The following TIGD5 variants were observed in gnomAD, a reference collection of about 807,000 sequenced individuals.
TIGD5 encodes the protein tigger transposable element derived 5.
A neutral mutation model predicts 28.8 loss-of-function variants in TIGD5; 24 were observed. That is an observed-to-expected ratio of 0.83 (90% confidence interval 0.60 to 1.17). The LOEUF (loss-of-function observed/expected upper bound fraction) is 1.17, where lower values mean the gene tolerates loss of function less well. Ranked by LOEUF, TIGD5 falls within the 50% of genes most tolerant of loss-of-function variation. The probability of loss-of-function intolerance (pLI) is 0.00; values close to 1 mark genes in which losing one functional copy is unlikely to be tolerated. For synonymous variants in TIGD5, 538 were observed against 430.5 expected, an observed-to-expected ratio of 1.25 and a Z score of -3.09; for missense variants, 922 against 911.4, an observed-to-expected ratio of 1.01 and a Z score of -0.15.
In TIGD5 at chr8:143,600,177, T is replaced by C. The variant is rs899758752; in HGVS notation, c.*345T>C. On this transcript the variant is annotated 3_prime_UTR_variant, in exon 1 of 1. Transcript: ENST00000504548. ...CCGCCCCTGCACCAGTCACATGCAC[T>C]GGACGAGGGCCGAAACTCCTGTCTG... 2 of 304,164 alleles carry C rather than the reference T, an allele frequency of 6.6e-6. No homozygotes were observed. The highest frequency in any genetic ancestry group is 4.3e-5 in the African/African-American group (2 of 46,670). The allele number at this position is 304,164 out of a possible 1,614,324, so 18.8% of individuals were successfully genotyped here.
Position 143,599,531 on chromosome 8 carries a change from A to T in TIGD5, c.1628A>T (p.Glu543Val). 1 of 1,580,536 alleles carries T rather than the reference A, an allele frequency of 6.3e-7. No homozygotes were observed. Among genetic ancestry groups the T allele is most frequent in the Non-Finnish European group, 8.6e-7 (1 of 1,164,800 alleles). The change falls in exon 1 of 1, where the codon GAG (glutamate) becomes GTG (valine). Residue 543 changes from glutamate (E) to valine (V), a missense_variant. Glu to Val is a moderately radical substitution (Grantham distance 121). Transcript: ENST00000504548. ...LHLDDDGGPPEGCREEVGPAL... is the reference protein window; with the variant it reads ...LHLDDDGGPPVGCREEVGPAL... ...CTGGACGATGATGGGGGTCCGCCCG[A>T]GGGCTGCAGGGAGGAGGTGGGCCCA... is the stretch of plus-strand genomic sequence containing the variant.
At position 143,598,377 on chromosome 8, in the gene TIGD5, C is replaced by G. The variant is rs566244814; in HGVS notation, c.474C>G (p.Ile158Met). ...QAQAEAFARQ[I>M]YGPECTFKAS... ...AGGCCGAGGCCTTCGCGCGCCAGAT[C>G]TACGGGCCCGAGTGCACCTTCAAGG... is the stretch of plus-strand genomic sequence containing the variant. Residue 158 changes from isoleucine to methionine, a missense_variant, in exon 1 of 1, where the codon ATC becomes ATG. Coordinates refer to ENST00000504548, the MANE Select transcript of TIGD5 (RefSeq NM_032862.5). This position sits in a 1 kb window ranked among gnomAD's most constrained non-coding sequence, Gnocchi z 6.6. 6.4e-7 allele frequency: 1 copy of G among 1,571,592 alleles called. No homozygotes were observed. Among genetic ancestry groups the G allele is most frequent in the Non-Finnish European group, 8.6e-7 (1 of 1,162,612 alleles).
chr8:143,599,539 A>C lies in TIGD5; in HGVS notation c.1636A>C (p.Arg546=), dbSNP rs764593259. The C allele has an allele frequency of 6.3e-7, 1 of 1,578,242 alleles. No homozygotes were observed. Among genetic ancestry groups the C allele is most frequent in the Non-Finnish European group, 8.6e-7 (1 of 1,163,668 alleles). Reference sequence around the variant, plus strand: ...TGATGGGGGTCCGCCCGAGGGCTGCAGGGAGGAGGTGGGCCCAGCCCTGCC... The same window carrying C: ...TGATGGGGGTCCGCCCGAGGGCTGCCGGGAGGAGGTGGGCCCAGCCCTGCC... ...DDDGGPPEGC[R]EEVGPALPPA... Residue 546 remains arginine, a synonymous_variant, in exon 1 of 1, where the codon AGG becomes CGG. Coordinates refer to ENST00000504548, the MANE Select transcript of TIGD5 (RefSeq NM_032862.5).
In TIGD5 at chr8:143,600,029, A is replaced by G; in HGVS notation, c.*197A>G. ...TGCCTCACTGGCACCCTGGGGGCAC[A>G]GCTGGAAGAGAGGCCTGGCCCATGC... is the stretch of plus-strand genomic sequence containing the variant. On this transcript the variant is annotated 3_prime_UTR_variant, in exon 1 of 1. Coordinates refer to ENST00000504548, the MANE Select transcript of TIGD5 (RefSeq NM_032862.5). 2.0e-6 allele frequency: 1 copy of G among 506,298 alleles called. No individual in the cohort carries two copies. The highest frequency in any genetic ancestry group is 3.2e-6 in the Non-Finnish European group (1 of 312,224). 31.4% of individuals were successfully genotyped at this position (506,298 alleles called of 1,614,324 possible).
chr8:143,599,115 G>T lies in TIGD5; in HGVS notation c.1212G>T (p.Leu404=). The change falls in exon 1 of 1, where the codon CTG becomes CTT. Residue 404 remains leucine (L), a synonymous_variant. Transcript: ENST00000504548. ...ATGGCGCTGTGCGGGTGCTGTTCCTGTCCAAAGGCAGCAGCCGGGCACATA... is the reference window on the plus strand; with the variant it reads ...ATGGCGCTGTGCGGGTGCTGTTCCTTTCCAAAGGCAGCAGCCGGGCACATA... The part of the protein sequence containing the change: ...TPDGAVRVLF[L]SKGSSRAHIP... The T allele has an allele frequency of 6.3e-7, 1 of 1,586,582 alleles. No homozygotes were observed.
rs755840012 is a variant in TIGD5 at position 143,599,744 on chromosome 8, G to C, written c.1841G>C (p.Arg614Thr). The C allele has an allele frequency of 6.7e-7, 1 of 1,501,206 alleles. No homozygotes were observed. Among genetic ancestry groups the C allele is most frequent in the Non-Finnish European group, 8.8e-7 (1 of 1,133,858 alleles). The allele number at this position is 1,501,206 out of a possible 1,614,324, so 93.0% of individuals were successfully genotyped here. A position where few individuals can be genotyped will look rare whatever the true frequency, so the allele number is the denominator to read the frequency against. Reference sequence around the variant, plus strand: ...GACCCCAGAGAGGTGGGGCCACTGAGGCTGGTGCAGTTGCGCTCACTCATC... The same window carrying C: ...GACCCCAGAGAGGTGGGGCCACTGACGCTGGTGCAGTTGCGCTCACTCATC... Reference protein sequence around the residue: ...NQDPREVGPLRLVQLRSLISM... With the variant: ...NQDPREVGPLTLVQLRSLISM... Residue 614 changes from arginine (R) to threonine (T), a missense_variant, in exon 1 of 1, where the codon AGG becomes ACG. Coordinates refer to ENST00000504548, the MANE Select transcript of TIGD5 (RefSeq NM_032862.5).
rs570477698 is a variant in TIGD5 at position 143,599,584 on chromosome 8, C to T, written c.1681C>T (p.Pro561Ser). 2.0e-6 allele frequency: 3 copies of T among 1,537,064 alleles called. No individual in the cohort carries two copies. The highest frequency in any genetic ancestry group is 2.6e-6 in the Non-Finnish European group (3 of 1,144,866). Reference protein sequence around the residue: ...PALPPAAPPAPASLPSAMGGG... With the variant: ...PALPPAAPPASASLPSAMGGG... Reference sequence around the variant, plus strand: ...CCTGCCCCCTGCAGCGCCTCCGGCCCCAGCCAGTCTGCCCTCTGCCATGGG... The same window carrying T: ...CCTGCCCCCTGCAGCGCCTCCGGCCTCAGCCAGTCTGCCCTCTGCCATGGG... Residue 561 changes from proline to serine, a missense_variant, in exon 1 of 1, where the codon CCA becomes TCA. Transcript: ENST00000504548.
Position 143,598,828 on chromosome 8 carries a change from G to T in TIGD5, c.925G>T (p.Asp309Tyr). Residue 309 changes from aspartate (D) to tyrosine (Y), a missense_variant, in exon 1 of 1, where the codon GAC (aspartate) becomes TAC (tyrosine). By Grantham distance (160) the Asp-to-Tyr change is radical. This residue lies in a region of TIGD5 where 821 missense variants were observed against 815.2 expected (regional missense o/e 1.01). Coordinates refer to ENST00000504548, the MANE Select transcript of TIGD5 (RefSeq NM_032862.5). This position sits in a 1 kb window ranked among gnomAD's most constrained non-coding sequence, Gnocchi z 6.6. ...GCCCAGCCTGCGCCACCACAACCAGGACAAGTTCCCGGCCTCCTACCGCTA... is the reference window on the plus strand; with the variant it reads ...GCCCAGCCTGCGCCACCACAACCAGTACAAGTTCCCGGCCTCCTACCGCTA... ...DPPSLRHHNQ[D>Y]KFPASYRYSP... 1.2e-6 allele frequency: 2 copies of T among 1,601,268 alleles called. No individual in the cohort carries two copies. The highest frequency in any genetic ancestry group is 1.7e-6 in the Non-Finnish European group (2 of 1,179,596).
In TIGD5 at chr8:143,602,398, C is replaced by T. The variant is rs1471523730; in HGVS notation, c.*2566C>T. 1 of 152,290 alleles carries T rather than the reference C, an allele frequency of 6.6e-6. No individual in the cohort carries two copies. The highest frequency in any genetic ancestry group is 2.4e-5 in the African/African-American group (1 of 41,462). The allele number at this position is 152,290 out of a possible 1,614,324, so 9.4% of individuals were successfully genotyped here. A position where few individuals can be genotyped will look rare whatever the true frequency, so the allele number is the denominator to read the frequency against. ...CCGTCCCAGCCCTACCTGCAGCTCA[C>T]TAACCCTCTCTGGGTTCTGCTCAGT... On this transcript the variant is annotated 3_prime_UTR_variant, in exon 1 of 1. Coordinates refer to ENST00000504548, the MANE Select transcript of TIGD5 (RefSeq NM_032862.5).
Position 143,597,997 on chromosome 8 carries a change from GC to G in TIGD5, c.95del (p.Ala32ValfsTer17). 1 of 1,211,860 alleles carries G rather than the reference GC, an allele frequency of 8.3e-7. No homozygotes were observed. The highest frequency in any genetic ancestry group is 1.0e-6 in the Non-Finnish European group (1 of 965,688). The allele number at this position is 1,211,860 out of a possible 1,614,324, so 75.1% of individuals were successfully genotyped here. A position where few individuals can be genotyped will look rare whatever the true frequency, so the allele number is the denominator to read the frequency against. On this transcript the variant is annotated frameshift_variant, in exon 1 of 1. Transcript: ENST00000504548. LOFTEE classifies it high-confidence loss of function. The stretch of plus-strand genomic sequence containing the variant: ...CGCGCCCGCCCCAGCCCCCGTCCCC[GC>G]TGCACGGCCGCCGCCCCCCGCGCCC... ...PPAPAPAPVP[A>X]ARPPPPAPGP...
chr8:143,598,081 G>C lies in TIGD5; in HGVS notation c.178G>C (p.Asp60His). The C allele has an allele frequency of 6.5e-7, 1 of 1,536,458 alleles. No individual in the cohort carries two copies. The highest frequency in any genetic ancestry group is 1.2e-5 in the South Asian group (1 of 81,060). ...MAFRKAYSIK[D>H]KLQAIERVKG... ...CTTCCGCAAGGCCTACTCCATCAAG[G>C]ACAAGCTGCAGGCCATCGAGCGCGT... Residue 60 changes from aspartate (D) to histidine (H), a missense_variant, in exon 1 of 1, where the codon GAC (aspartate) becomes CAC (histidine). By Grantham distance (81) the Asp-to-His change is moderately conservative. Coordinates refer to ENST00000504548, the MANE Select transcript of TIGD5 (RefSeq NM_032862.5). The surrounding 1 kb of genome is among the most constrained non-coding windows in gnomAD (Gnocchi z 6.6).
rs1208137281 is a variant in TIGD5, at chr8:143,599,403, C to T, written c.1500C>T (p.Ala500=). Residue 500 remains alanine (A), a synonymous_variant, in exon 1 of 1, where the codon GCC becomes GCT. Coordinates refer to ENST00000504548, the MANE Select transcript of TIGD5 (RefSeq NM_032862.5). ...ACAGTGCTGGGCAGCCGGCCCAGGC[C>T]GAGGAAGCCGCCGAGCACAGCAGGG... ...GEDSAGQPAQ[A]EEAAEHSRVL... is the part of the protein sequence containing the mutation. The T allele has an allele frequency of 6.4e-7, 1 of 1,565,720 alleles. No individual in the cohort carries two copies. The highest frequency in any genetic ancestry group is 1.4e-5 in the African/African-American group (1 of 73,742).
In TIGD5 at chr8:143,598,855, A is replaced by G; in HGVS notation, c.952A>G (p.Ser318Gly). ...QDKFPASYRY[S>G]PDAWLSRPLL... ...CAAGTTCCCGGCCTCCTACCGCTAC[A>G]GCCCCGACGCCTGGCTCAGCCGCCC... The change falls in exon 1 of 1, where the codon AGC becomes GGC. Residue 318 changes from serine (S) to glycine (G), a missense_variant. Around this residue, in one of 3 missense-constraint regions of TIGD5, gnomAD observed 821 missense variants for 815.2 expected, o/e 1.01. Transcript: ENST00000504548. The surrounding 1 kb of genome is among the most constrained non-coding windows in gnomAD (Gnocchi z 6.6). The G allele has an allele frequency of 6.2e-7, 1 of 1,600,624 alleles. No individual in the cohort carries two copies. Among genetic ancestry groups the G allele is most frequent in the Non-Finnish European group, 8.5e-7 (1 of 1,179,636 alleles).
In TIGD5 at chr8:143,598,361, C is replaced by T; in HGVS notation, c.458C>T (p.Ala153Val). 6.3e-7 allele frequency: 1 copy of T among 1,588,328 alleles called. No individual in the cohort carries two copies. Among genetic ancestry groups the T allele is most frequent in the Admixed American group, 1.7e-5 (1 of 57,926 alleles). The change falls in exon 1 of 1, where the codon GCC becomes GTC. Residue 153 changes from alanine (A) to valine (V), a missense_variant. Ala to Val is a moderately conservative substitution (Grantham distance 64, BLOSUM62 0). This residue lies in a region of TIGD5 where 821 missense variants were observed against 815.2 expected (regional missense o/e 1.01). Transcript: ENST00000504548. This position sits in a 1 kb window ranked among gnomAD's most constrained non-coding sequence, Gnocchi z 6.6. Reference sequence around the variant, plus strand: ...CCGCTCATCCAGGCGCAGGCCGAGGCCTTCGCGCGCCAGATCTACGGGCCC... The same window carrying T: ...CCGCTCATCCAGGCGCAGGCCGAGGTCTTCGCGCGCCAGATCTACGGGCCC... ...SGPLIQAQAE[A>V]FARQIYGPEC...
At position 143,598,567 on chromosome 8, in the gene TIGD5, G is replaced by C. The variant is rs945518906; in HGVS notation, c.664G>C (p.Ala222Pro). The change falls in exon 1 of 1, where the codon GCC becomes CCC. Residue 222 changes from alanine (A) to proline (P), a missense_variant. Around this residue, in one of 3 missense-constraint regions of TIGD5, gnomAD observed 821 missense variants for 815.2 expected, o/e 1.01. Coordinates refer to ENST00000504548, the MANE Select transcript of TIGD5 (RefSeq NM_032862.5). The surrounding 1 kb of genome is among the most constrained non-coding windows in gnomAD (Gnocchi z 6.6). ...CGGCCCCCTGCCCGACCGCGCCCCG[G>C]CCCCGCCGCCCCCGGCCGAGGGCGG... ...GAGPLPDRAPAPPPPAEGGYG... is the reference protein window; with the variant it reads ...GAGPLPDRAPPPPPPAEGGYG... The C allele has an allele frequency of 7.6e-6, 10 of 1,324,400 alleles. No individual in the cohort carries two copies. The African/African-American group carries it at 1.4e-4, about 19-fold the overall frequency. The allele number at this position is 1,324,400 out of a possible 1,614,324, so 82.0% of individuals were successfully genotyped here. A position where few individuals can be genotyped will look rare whatever the true frequency, so the allele number is the denominator to read the frequency against.
chr8:143,602,348 A>T lies in TIGD5; in HGVS notation c.*2516A>T, dbSNP rs1829280979. 1 of 152,290 alleles carries T rather than the reference A, an allele frequency of 6.6e-6. No individual in the cohort carries two copies. Among genetic ancestry groups the T allele is most frequent in the Admixed American group, 6.5e-5 (1 of 15,292 alleles). The allele number at this position is 152,290 out of a possible 1,614,324, so 9.4% of individuals were successfully genotyped here. ...GGGCAGTGCCAGCCATGGATCCCTGAGACCCTGGGCTGGAACCTGGGGCCC... is the reference window on the plus strand; with the variant it reads ...GGGCAGTGCCAGCCATGGATCCCTGTGACCCTGGGCTGGAACCTGGGGCCC... On this transcript the variant is annotated 3_prime_UTR_variant, in exon 1 of 1. Transcript: ENST00000504548.
Position 143,598,013 on chromosome 8 carries a change from C to T in TIGD5, c.110C>T (p.Pro37Leu). The T allele has an allele frequency of 2.3e-6, 3 of 1,288,206 alleles. No homozygotes were observed. The highest frequency in any genetic ancestry group is 2.9e-6 in the Non-Finnish European group (3 of 1,018,232). 79.8% of individuals were successfully genotyped at this position (1,288,206 alleles called of 1,614,324 possible). The change falls in exon 1 of 1, where the codon CCC (proline) becomes CTC (leucine). Residue 37 changes from proline (P) to leucine (L), a missense_variant. Transcript: ENST00000504548. This position sits in a 1 kb window ranked among gnomAD's most constrained non-coding sequence, Gnocchi z 6.6. Reference protein sequence around the residue: ...PAPVPAARPPPPAPGPRPRVA... With the variant: ...PAPVPAARPPLPAPGPRPRVA... The stretch of plus-strand genomic sequence containing the variant: ...CCCGTCCCCGCTGCACGGCCGCCGC[C>T]CCCCGCGCCCGGGCCGCGGCCCCGC...
In TIGD5 at chr8:143,601,475, T is replaced by G. The variant is rs981528760; in HGVS notation, c.*1643T>G. ...AGGCCCCCAAGGCGGGGACACCACC[T>G]CTGCTCTGCCAGGCCTGCCTCCAGG... On this transcript the variant is annotated 3_prime_UTR_variant, in exon 1 of 1. Transcript: ENST00000504548. The G allele has an allele frequency of 2.0e-5, 3 of 152,416 alleles. 1 individual carries two copies. Among genetic ancestry groups the G allele is most frequent in the Admixed American group, 1.3e-4 (2 of 15,290 alleles). The allele number at this position is 152,416 out of a possible 1,614,324, so 9.4% of individuals were successfully genotyped here.
At position 143,598,383 on chromosome 8, in the gene TIGD5, G is replaced by T. The variant is rs1302849076; in HGVS notation, c.480G>T (p.Gly160=). 1.3e-5 allele frequency: 20 copies of T among 1,562,722 alleles called. No individual in the cohort carries two copies. The highest frequency in any genetic ancestry group is 1.7e-5 in the Non-Finnish European group (20 of 1,158,618). ...QAEAFARQIY[G]PECTFKASHG... ...AGGCCTTCGCGCGCCAGATCTACGG[G>T]CCCGAGTGCACCTTCAAGGCCAGCC... is the stretch of plus-strand genomic sequence containing the variant. The change falls in exon 1 of 1, where the codon GGG becomes GGT. Residue 160 remains glycine (G), a synonymous_variant. Transcript: ENST00000504548. The surrounding 1 kb of genome is among the most constrained non-coding windows in gnomAD (Gnocchi z 6.6).
Sources: allele counts gnomAD v4.1 joint callset, GRCh38; gene constraint gnomAD v4.1.1; regional missense constraint gnomAD v4.1.1; non-coding constraint Gnocchi (gnomAD v3.1); transcripts MANE v1.5; gene names NCBI Gene and HGNC (gene_info 2026-07-23, HGNC 2026-07-21).